DLG1: variants seen among roughly 807,000 people sequenced by gnomAD.
The protein encoded by DLG1 is disks large homolog 1.
Under a neutral mutation model 123.4 loss-of-function variants are expected in DLG1, and 42 were observed. The observed-to-expected ratio is 0.34, with a 90% CI of 0.27 to 0.44. The LOEUF is 0.44. DLG1 is among the 20% of genes least tolerant of loss of function. DLG1 has a pLI of 1.00. For synonymous variants in DLG1, 317 were observed against 356.2 expected, an observed-to-expected ratio of 0.89 and a Z score of 1.24; for missense variants, 942 against 1,082.6, an observed-to-expected ratio of 0.87 and a Z score of 1.82.
chr3:197,140,032 C>T (rs3773854), intron 8 of DLG1, 108 bp downstream of exon 8: 2 of 1,239,658 alleles, frequency 1.6e-6, no homozygotes, highest in Non-Finnish European at 2.3e-6. Flanking sequence ...CTACCCTATG[C>T]TAGTTATCAT....
chr3:197,260,708 T>C (rs995700729), intron 4 of DLG1, among the ~76,000 whole-genome samples: 3 of 131,776 alleles, frequency 2.3e-5, no homozygotes, highest in Non-Finnish European at 4.6e-5. Flanking sequence ...TAAATCTGCT[T>C]CTCCTCGTTA....
At chr3:197,048,140 A>AAGTGCTC (rs1578069132) in intron 24 of DLG1, among the ~76,000 whole-genome samples, 1 of 152,240 alleles carries the variant, frequency 6.6e-6, no homozygotes, top group Non-Finnish European at 1.5e-5. Flanking sequence ...GTATCAGTAA[A>AAGTGCTC]AGTGCTCAAC....
rs149203459 is a variant in DLG1, at chr3:197,238,589, C to T, written c.319-44000G>A. 3.0e-3 allele frequency among the ~76,000 whole-genome samples: 455 copies of T among 152,254 alleles called. 2 individuals carry two copies. The highest frequency in any genetic ancestry group is 9.5e-3 in the African/African-American group (395 of 41,556). ...CCTAAGGGATCTGTGAGACACCATA[C>T]AGAATGTCAATCCATTTGAAAAGAT... On this transcript the variant is annotated intron_variant, in intron 4 of 24. Coordinates refer to ENST00000667157, the MANE Select transcript of DLG1 (RefSeq NM_001366207.1).
intron 10 of DLG1, among the ~76,000 whole-genome samples, chr3:197,131,357 T>C (rs1285214242): frequency 2.0e-5 from 3 of 152,180 alleles, no homozygotes; most frequent in East Asian, 1.9e-4. Context: ...TTTTAATTTA[T>C]ACATCAATTA....
intron 4 of DLG1, among the ~76,000 whole-genome samples, chr3:197,223,559 G>T (rs190505876): frequency 6.6e-6 from 1 of 152,308 alleles, no homozygotes; most frequent in African/African-American, 2.4e-5. Context: ...TTTTAAATGT[G>T]ATTTGGAATT....
intron 12 of DLG1, among the ~76,000 whole-genome samples, chr3:197,117,438 G>A (rs1773914272): frequency 6.6e-6 from 1 of 152,128 alleles, no homozygotes; most frequent in Non-Finnish European, 1.5e-5. Flanking sequence ...TAACTCAAGT[G>A]CCCATCATTA....
chr3:197,183,456 T>G, intron 5 of DLG1: 2 of 915,074 alleles, frequency 2.2e-6, no homozygotes, highest in East Asian at 2.6e-5. Flanking sequence ...AAACATACAT[T>G]TCTACACATC....
intron 4 of DLG1, among the ~76,000 whole-genome samples, chr3:197,209,075 CAAATTAA>C (rs1347701720): frequency 1.4e-5 from 2 of 145,480 alleles, no homozygotes; most frequent in Non-Finnish European, 3.1e-5. Flanking sequence ...ATTTAAAAGG[CAAATTAA>C]AACAAATATG....
intron 4 of DLG1, among the ~76,000 whole-genome samples, chr3:197,254,287 C>T (rs769790802): frequency 3.3e-5 from 5 of 152,182 alleles, no homozygotes; most frequent in Non-Finnish European, 7.3e-5. Context: ...AGTTCATACA[C>T]CCTAAAGTCA....
In DLG1 at chr3:197,116,100, A is replaced by AT; in HGVS notation, c.1287-18dup. On this transcript the variant is annotated splice_polypyrimidine_tract_variant and intron_variant, in intron 12 of 24. Transcript: ENST00000667157. ...CTAGGTTCCCTAAAAATTAAAAAAA[A>AT]TTGAGTATCTTGGAAATTTTATATA... 1.2e-5 allele frequency: 19 copies of AT among 1,586,668 alleles called. No individual in the cohort carries two copies. Among genetic ancestry groups the AT allele is most frequent in the Non-Finnish European group, 1.5e-5 (18 of 1,171,272 alleles).
intron 23 of DLG1, among the ~76,000 whole-genome samples, 190 bp downstream of exon 23, chr3:197,059,699 T>C (rs895825048): frequency 1.3e-5 from 2 of 152,186 alleles, no homozygotes; most frequent in Non-Finnish European, 2.9e-5. Flanking sequence ...GTAATATTAA[T>C]GATGATGATT....
chr3:197,297,988 C>T, intron 1 of DLG1: 1 of 942,852 alleles, frequency 1.1e-6, no homozygotes, highest in Non-Finnish European at 1.3e-6. Flanking sequence ...CGTCCTCCTT[C>T]TCGGCCGCGC....
intron 4 of DLG1, among the ~76,000 whole-genome samples, chr3:197,243,618 T>C (rs1750102250): frequency 1.3e-5 from 2 of 152,210 alleles, no homozygotes; most frequent in African/African-American, 4.8e-5. Flanking sequence ...TTTTTTTTGC[T>C]AATATCATAC....
chr3:197,205,010 A>G (rs1031385699), intron 4 of DLG1, among the ~76,000 whole-genome samples: 2 of 152,240 alleles, frequency 1.3e-5, no homozygotes, highest in African/African-American at 2.4e-5. Context: ...AATGTCATAT[A>G]CCAAGATAGG....
At chr3:197,130,033 T>C (rs1199454901) in intron 11 of DLG1, among the ~76,000 whole-genome samples, 3 of 152,142 alleles carry the variant, frequency 2.0e-5, no homozygotes, top group African/African-American at 4.8e-5. Flanking sequence ...TGAGAACATG[T>C]TGCTGAAGAA....
intron 5 of DLG1, among the ~76,000 whole-genome samples, chr3:197,185,035 A>G (rs1366618808): frequency 6.6e-6 from 1 of 152,208 alleles, no homozygotes; most frequent in East Asian, 1.9e-4. Context: ...TGAGAACCAC[A>G]AACTCCCAAG....
chr3:197,117,626 A>G (rs1378081065), intron 12 of DLG1, among the ~76,000 whole-genome samples: 1 of 152,186 alleles, frequency 6.6e-6, no homozygotes, highest in African/African-American at 2.4e-5. Flanking sequence ...GAATAGGCAA[A>G]TTCATAGAGA....
intron 11 of DLG1, among the ~76,000 whole-genome samples, chr3:197,120,495 A>C (rs1775746544): frequency 6.6e-6 from 1 of 152,222 alleles, no homozygotes; most frequent in South Asian, 2.1e-4. Context: ...CAGAGGAAGC[A>C]ATATTTAACT....
intron 11 of DLG1, among the ~76,000 whole-genome samples, chr3:197,126,131 A>G (rs541508002): frequency 9.2e-5 from 14 of 152,338 alleles, no homozygotes; most frequent in African/African-American, 2.9e-4. Flanking sequence ...TGCAAGGTGA[A>G]TGTCAGCTTT....
Sources: gnomAD v4.1 joint callset for allele counts (sites outside exome capture counted in the v4.1 genomes callset) on GRCh38, gnomAD v4.1.1 for gene constraint, MANE v1.5 for transcripts, NCBI Gene and HGNC (gene_info 2026-07-23, HGNC 2026-07-21) for gene names.